PRKCQ: variants seen among roughly 807,000 people sequenced by gnomAD.
The protein encoded by PRKCQ is protein kinase C theta type.
In PRKCQ, 41 loss-of-function variants were observed where a neutral mutation model predicts 91.2. The ratio of observed to expected loss-of-function variants is 0.45; its 90% CI spans 0.35 to 0.58. The LOEUF (loss-of-function observed/expected upper bound fraction) is 0.58, where lower values mean the gene tolerates loss of function less well. Among genes scored for constraint, PRKCQ ranks in the 20% least tolerant of loss-of-function variants. The pLI is 0.00. For synonymous variants in PRKCQ, 307 were observed against 316.9 expected (o/e 0.97, Z 0.33); for missense variants, 673 against 896.5 (o/e 0.75, Z 3.18).
intron 16 of PRKCQ, among the ~76,000 whole-genome samples, chr10:6,431,187 GT>G (rs1833402212): frequency 6.6e-6 from 1 of 152,212 alleles, no homozygotes; most frequent in South Asian, 2.1e-4. Flanking sequence ...TTTGCCCTGT[GT>G]TATTAATTGG....
rs531583368 is a variant in PRKCQ, at chr10:6,446,400, A to ATGT, written c.1648-4322_1648-4320dup. On this transcript the variant is annotated intron_variant, in intron 15 of 17. Coordinates refer to ENST00000263125, the MANE Select transcript of PRKCQ (RefSeq NM_006257.5). ...TTTTTTTGGAGACAGAGTCTCGCTTATGTTGGCCAGGCTGGAGTGCAGTGG... is the reference window on the plus strand; with the variant it reads ...TTTTTTTGGAGACAGAGTCTCGCTTATGTTGTTGGCCAGGCTGGAGTGCAGTGG... Among the ~76,000 whole-genome samples the ATGT allele has an allele frequency of 8.5e-4, 93 of 109,554 alleles. 2 individuals are homozygous for ATGT. In the East Asian group the frequency reaches 0.024, roughly 28 times the overall value. The allele number at this position is 109,554 out of a possible 152,430, so 71.9% of individuals were successfully genotyped here.
intron 4 of PRKCQ, among the ~76,000 whole-genome samples, chr10:6,505,985 T>C (rs1206851493): frequency 1.3e-5 from 2 of 152,154 alleles, no homozygotes; most frequent in East Asian, 1.9e-4. Flanking sequence ...TGATTTAAAC[T>C]AATGGGAGGA....
At chr10:6,408,046 G>GATT in the PRKCQ span, among the ~76,000 whole-genome samples, 1 of 84,228 alleles carries the variant, frequency 1.2e-5, no homozygotes. Flanking sequence ...TCTTGTGTCA[G>GATT]TTTTTTTTTT....
In PRKCQ at chr10:6,540,547, C is replaced by T. The variant is rs532949490; in HGVS notation, c.-9-25403G>A. Among the ~76,000 whole-genome samples the T allele has an allele frequency of 1.8e-4, 28 of 152,264 alleles. No individual in the cohort carries two copies. In the South Asian group the frequency reaches 5.4e-3, roughly 29 times the overall value. ...TCATGTTTTTAAGGTTCATCTGTGT[C>T]GTAGCAGGTGTCAGAAAGTTTCATG... On this transcript the variant is annotated intron_variant, in intron 1 of 17. Coordinates refer to ENST00000263125, the MANE Select transcript of PRKCQ (RefSeq NM_006257.5).
chr10:6,433,740 GC>G, intron 16 of PRKCQ, among the ~76,000 whole-genome samples: 1 of 152,198 alleles, frequency 6.6e-6, no homozygotes, highest in Admixed American at 6.5e-5. Context: ...TGTTTTAGAA[GC>G]AAAGAGGGGC....
At chr10:6,467,615 C>A (rs1664038010) in intron 12 of PRKCQ, among the ~76,000 whole-genome samples, 1 of 152,106 alleles carries the variant, frequency 6.6e-6, no homozygotes, top group African/African-American at 2.4e-5. Flanking sequence ...AAACGCGTCC[C>A]AGTCTTGCCG....
chr10:6,498,572 G>C lies in PRKCQ; in HGVS notation c.380-14C>G, dbSNP rs371959661. 1 of 1,612,484 alleles carries C rather than the reference G, an allele frequency of 6.2e-7. No homozygotes were observed. The highest frequency in any genetic ancestry group is 8.5e-7 in the Non-Finnish European group (1 of 1,178,906). On this transcript the variant is annotated splice_polypyrimidine_tract_variant and intron_variant, in intron 4 of 17. Transcript: ENST00000263125. ...TGTCCTTTGTGTCTACAGGAAGAGA[G>C]AGGGGAAGAAAGTGAAGTTCTGCAA...
chr10:6,407,943 A>C, the PRKCQ span, among the ~76,000 whole-genome samples: 4 of 152,084 alleles, frequency 2.6e-5, no homozygotes, highest in East Asian at 7.7e-4. The surrounding 1 kb of genome is among the most constrained non-coding windows in gnomAD (Gnocchi z 4.0). Flanking sequence ...GTTCTTTTTA[A>C]AACCTAGCCA....
intron 3 of PRKCQ, 55 bp from the exon 4 acceptor site, chr10:6,507,551 C>A: frequency 6.9e-7 from 1 of 1,452,736 alleles, no homozygotes. Context: ...GCCCTGAGTT[C>A]AATGACATCA....
chr10:6,433,352 T>C (rs1833513186), intron 16 of PRKCQ, among the ~76,000 whole-genome samples: 1 of 152,188 alleles, frequency 6.6e-6, no homozygotes, highest in African/African-American at 2.4e-5. Flanking sequence ...GTTGTCTTCT[T>C]TCCTACCACA....
chr10:6,490,521 T>C (rs981411629), intron 8 of PRKCQ, among the ~76,000 whole-genome samples: 4 of 147,454 alleles, frequency 2.7e-5, no homozygotes, highest in African/African-American at 1.0e-4. Context: ...AACCCAGGAG[T>C]TTGAGACCAG....
chr10:6,541,390 T>G (rs556387217), intron 1 of PRKCQ, among the ~76,000 whole-genome samples: 1 of 152,306 alleles, frequency 6.6e-6, no homozygotes, highest in East Asian at 1.9e-4. Flanking sequence ...TTCTAAATCT[T>G]AAGGACATTT....
the PRKCQ span, among the ~76,000 whole-genome samples, chr10:6,398,383 A>G: frequency 6.6e-6 from 1 of 152,246 alleles, no homozygotes; most frequent in African/African-American, 2.4e-5. Flanking sequence ...TTGTCATATA[A>G]TTTGACTGTG....
the PRKCQ span, among the ~76,000 whole-genome samples, chr10:6,400,592 C>T: frequency 6.7e-6 from 1 of 149,038 alleles, no homozygotes; most frequent in Non-Finnish European, 1.5e-5. Context: ...CTGCTTTTAA[C>T]CTGTTTCCTG....
intron 1 of PRKCQ, among the ~76,000 whole-genome samples, chr10:6,555,135 A>T (rs902064284): frequency 2.0e-5 from 3 of 149,994 alleles, no homozygotes; most frequent in Admixed American, 1.3e-4. Flanking sequence ...TAAAGGTGGG[A>T]GGGGGGGGGT....
chr10:6,405,436 C>T, the PRKCQ span, among the ~76,000 whole-genome samples: 5 of 152,160 alleles, frequency 3.3e-5, no homozygotes, highest in Admixed American at 2.6e-4. Flanking sequence ...CGTCCTGGAC[C>T]CCACCCAGGG....
At chr10:6,574,184 A>G (rs1841141956) in intron 1 of PRKCQ, among the ~76,000 whole-genome samples, 1 of 152,190 alleles carries the variant, frequency 6.6e-6, no homozygotes, top group Non-Finnish European at 1.5e-5. Flanking sequence ...GTTGTTCATG[A>G]ATTAAGTGCC....
rs1409787663 is a variant in PRKCQ, at chr10:6,427,454, A to G, written c.*753T>C. ...AGAATGGCAGTGAGTGACTGTGCCA[A>G]TACTGGAGTCTGCTGAGAATGGGTG... On this transcript the variant is annotated 3_prime_UTR_variant, in exon 18 of 18. Coordinates refer to ENST00000263125, the MANE Select transcript of PRKCQ (RefSeq NM_006257.5). 2 of 152,282 alleles carry G rather than the reference A, an allele frequency of 1.3e-5. No individual in the cohort carries two copies. The highest frequency in any genetic ancestry group is 4.8e-5 in the African/African-American group (2 of 41,438). The allele number at this position is 152,282 out of a possible 1,614,324, so 9.4% of individuals were successfully genotyped here.
At chr10:6,496,448 T>C (rs139864866) in intron 7 of PRKCQ, among the ~76,000 whole-genome samples, 2 of 152,290 alleles carry the variant, frequency 1.3e-5, no homozygotes, top group East Asian at 1.9e-4. Flanking sequence ...TTATTATCTC[T>C]AACCTTGTAA....
Sources: gnomAD v4.1 joint callset for allele counts (sites outside exome capture counted in the v4.1 genomes callset) on GRCh38, gnomAD v4.1.1 for gene constraint, Gnocchi (gnomAD v3.1) non-coding constraint, MANE v1.5 for transcripts, NCBI Gene and HGNC (gene_info 2026-07-23, HGNC 2026-07-21) for gene names.